The following XYLT1 variants were observed in gnomAD, a reference collection of about 807,000 sequenced individuals.
XYLT1 encodes xylosyltransferase 1.
A neutral mutation model predicts 91.3 loss-of-function variants in XYLT1; 36 were observed. The ratio of observed to expected loss-of-function variants is 0.39; its 90% confidence interval spans 0.30 to 0.52. The LOEUF (loss-of-function observed/expected upper bound fraction) is 0.52. Among genes scored for constraint, XYLT1 ranks in the 20% least tolerant of loss-of-function variants. XYLT1 has a pLI of 0.68. For missense variants in XYLT1, 1,242 were observed against 1,284.5 expected (o/e 0.97, Z 0.51); for synonymous variants, 588 against 532.0 (o/e 1.11, Z -1.45).
intron 3 of XYLT1, among the ~76,000 whole-genome samples, chr16:17,234,187 T>G (rs989193850): frequency 6.6e-6 from 1 of 152,128 alleles, no homozygotes; most frequent in Non-Finnish European, 1.5e-5. Context: ...GATGAAGTGA[T>G]TTGCCCAAGA....
chr16:17,383,945 G>A (rs1596516509), intron 1 of XYLT1, among the ~76,000 whole-genome samples: 1 of 151,600 alleles, frequency 6.6e-6, no homozygotes, highest in African/African-American at 2.4e-5. Flanking sequence ...ACAGGGTTTC[G>A]CCATGTGGGC....
At chr16:17,348,003 ACC>A (rs1388609614) in intron 2 of XYLT1, among the ~76,000 whole-genome samples, 1 of 151,786 alleles carries the variant, frequency 6.6e-6, no homozygotes, top group African/African-American at 2.4e-5. Context: ...ACCCATGGAA[ACC>A]CTCATCTCAT....
chr16:17,368,944 T>C (rs1190789797), intron 1 of XYLT1, among the ~76,000 whole-genome samples: 3 of 152,058 alleles, frequency 2.0e-5, no homozygotes, highest in African/African-American at 7.2e-5. Context: ...TACCCTGTAG[T>C]ACTGTTCCTA....
intron 2 of XYLT1, among the ~76,000 whole-genome samples, chr16:17,323,705 C>T (rs1215281553): frequency 6.6e-6 from 1 of 152,132 alleles, no homozygotes; most frequent in Non-Finnish European, 1.5e-5. Flanking sequence ...CTCCTGTTCA[C>T]TGGCAACAGG....
intron 2 of XYLT1, among the ~76,000 whole-genome samples, chr16:17,279,226 G>A (rs964560405): frequency 4.6e-5 from 7 of 152,212 alleles, no homozygotes; most frequent in African/African-American, 1.2e-4. Context: ...TAGCCGTGCC[G>A]TTTTGAAGCT....
rs1188714501 is a variant in XYLT1 at position 17,102,066 on chromosome 16, C to T, written c.*6629G>A. 6.6e-6 allele frequency: 1 copy of T among 152,126 alleles called. No homozygotes were observed. Among genetic ancestry groups the T allele is most frequent in the Non-Finnish European group, 1.5e-5 (1 of 68,012 alleles). 9.4% of individuals were successfully genotyped at this position (152,126 alleles called of 1,614,324 possible). A position where few individuals can be genotyped will look rare whatever the true frequency, so the allele number is the denominator to read the frequency against. On this transcript the variant is annotated 3_prime_UTR_variant, in exon 12 of 12. Transcript: ENST00000261381. ...AGGAGGTACTTATAGGAGGTTGTTG[C>T]TATAATCCAGTTAGAAGATGACAGC... is the stretch of plus-strand genomic sequence containing the variant.
At chr16:17,212,944 A>T (rs1399997833) in intron 3 of XYLT1, among the ~76,000 whole-genome samples, 1 of 152,118 alleles carries the variant, frequency 6.6e-6, no homozygotes, top group Admixed American at 6.5e-5. Flanking sequence ...TCAAGGATGA[A>T]AGAGCTATTA....
At chr16:17,405,799 A>G (rs1459049947) in intron 1 of XYLT1, among the ~76,000 whole-genome samples, 1 of 152,222 alleles carries the variant, frequency 6.6e-6, no homozygotes. Context: ...GAGAGTGAAA[A>G]GAAGGGCACA....
intron 2 of XYLT1, among the ~76,000 whole-genome samples, chr16:17,301,233 A>T (rs986522600): frequency 1.3e-5 from 2 of 152,032 alleles, no homozygotes; most frequent in Non-Finnish European, 2.9e-5. Flanking sequence ...CAACATGGTG[A>T]AACTCTGTCT....
At chr16:17,242,389 C>T (rs2033360915) in intron 3 of XYLT1, among the ~76,000 whole-genome samples, 1 of 152,106 alleles carries the variant, frequency 6.6e-6, no homozygotes, top group African/African-American at 2.4e-5. Flanking sequence ...TTTGTCAATC[C>T]CTATGTTAAA....
chr16:17,128,596 A>G (rs1211355206), intron 9 of XYLT1, among the ~76,000 whole-genome samples: 1 of 152,180 alleles, frequency 6.6e-6, no homozygotes, highest in Admixed American at 6.5e-5. Context: ...CACAGTCCTT[A>G]CCACTTACAC....
intron 6 of XYLT1, among the ~76,000 whole-genome samples, chr16:17,151,163 C>G (rs767295037): frequency 6.6e-6 from 1 of 152,188 alleles, no homozygotes; most frequent in Admixed American, 6.5e-5. Context: ...TGGTGGCTCA[C>G]GCCTGTAATC....
intron 1 of XYLT1, among the ~76,000 whole-genome samples, chr16:17,360,002 G>T (rs1387333885): frequency 6.6e-6 from 1 of 152,158 alleles, no homozygotes; most frequent in Non-Finnish European, 1.5e-5. Flanking sequence ...CGAGCTTAGT[G>T]GGCGAGAGCA....
intron 8 of XYLT1, 29 bp from the exon 9 acceptor site, chr16:17,134,764 G>T (rs2030646192): frequency 6.2e-7 from 1 of 1,609,222 alleles, no homozygotes; most frequent in Non-Finnish European, 8.5e-7. Context: ...AAATAGAAAA[G>T]CCACATCAGC....
chr16:17,139,556 T>C (rs935541240), intron 7 of XYLT1, among the ~76,000 whole-genome samples: 1 of 152,144 alleles, frequency 6.6e-6, no homozygotes. Flanking sequence ...TAAATGAGGC[T>C]CCAGCCGCCA....
At chr16:17,365,534 C>A (rs866096529) in intron 1 of XYLT1, among the ~76,000 whole-genome samples, 1 of 152,158 alleles carries the variant, frequency 6.6e-6, no homozygotes, top group Non-Finnish European at 1.5e-5. Flanking sequence ...AAAACAGAAA[C>A]CCCACAGAGA....
At chr16:17,377,020 T>G (rs1277262786) in intron 1 of XYLT1, among the ~76,000 whole-genome samples, 1 of 149,570 alleles carries the variant, frequency 6.7e-6, no homozygotes, top group Non-Finnish European at 1.5e-5. Flanking sequence ...CTTCTAAAAA[T>G]ACAAAAATTA....
chr16:17,181,865 T>C lies in XYLT1; in HGVS notation c.1289+16347A>G, dbSNP rs7200016. On this transcript the variant is annotated intron_variant, in intron 5 of 11. Transcript: ENST00000261381. ...ATGCAACGGGGTGGGTACAGTAAGC[T>C]AAGGTCTCCCTGGTGGATTCAACCA... 8.5e-3 allele frequency among the ~76,000 whole-genome samples: 1,293 copies of C among 152,218 alleles called. 16 individuals are homozygous for C. Among genetic ancestry groups the C allele is most frequent in the African/African-American group, 0.03 (1,237 of 41,542 alleles).
At chr16:17,188,595 T>C (rs1332377005) in intron 5 of XYLT1, among the ~76,000 whole-genome samples, 1 of 152,226 alleles carries the variant, frequency 6.6e-6, no homozygotes, top group Non-Finnish European at 1.5e-5. Flanking sequence ...CCTCAGTCCA[T>C]GTGAGATTCC....
Sources: gnomAD v4.1 joint callset for allele counts (sites outside exome capture counted in the v4.1 genomes callset) on GRCh38, gnomAD v4.1.1 for gene constraint, MANE v1.5 for transcripts, NCBI Gene and HGNC (gene_info 2026-07-23, HGNC 2026-07-21) for gene names.